ARSG: variants seen among roughly 807,000 people sequenced by gnomAD.
The protein encoded by ARSG is ASG.
In ARSG, 37 loss-of-function variants were observed where a neutral mutation model predicts 50.5. The observed-to-expected ratio is 0.73, with a 90% CI of 0.56 to 0.96. The LOEUF (loss-of-function observed/expected upper bound fraction) is 0.96, where lower values mean the gene tolerates loss of function less well. Ranked by LOEUF, ARSG falls within the 50% of genes least tolerant of loss-of-function variation. ARSG has a pLI of 0.00. For missense variants in ARSG, 629 were observed against 675.3 expected (o/e 0.93, Z 0.76); for synonymous variants, 225 against 254.6 (o/e 0.88, Z 1.11).
At chr17:68,292,253 G>A (rs1357813595) in intron 1 of ARSG, among the ~76,000 whole-genome samples, 1 of 152,170 alleles carries the variant, frequency 6.6e-6, no homozygotes, top group Non-Finnish European at 1.5e-5. Context: ...CCAGGCAGTG[G>A]CGGCGTCGGC....
intron 2 of ARSG, among the ~76,000 whole-genome samples, chr17:68,319,451 G>A (rs979762996): frequency 1.1e-4 from 17 of 152,168 alleles, no homozygotes; most frequent in Admixed American, 3.3e-4. Context: ...GGGACTTCAG[G>A]TTTTTACCTC....
intron 5 of ARSG, among the ~76,000 whole-genome samples, chr17:68,353,115 G>A (rs976316978): frequency 2.6e-5 from 4 of 151,946 alleles, no homozygotes; most frequent in South Asian, 2.1e-4. Flanking sequence ...TGTAATCCAC[G>A]TGACCACTGT....
In ARSG at chr17:68,307,611, A is replaced by G. The variant is rs1279629468; in HGVS notation, c.118A>G (p.Ile40Val). 6.2e-7 allele frequency: 1 copy of G among 1,613,622 alleles called. No homozygotes were observed. The highest frequency in any genetic ancestry group is 8.5e-7 in the Non-Finnish European group (1 of 1,179,680). The stretch of plus-strand genomic sequence containing the variant: ...AAGAGGACAGAAGCCAAACTTTGTG[A>G]TTATTTTGGCCGATGACATGGGGTG... ...KTRGQKPNFV[I>V]ILADDMGWGD... Residue 40 changes from isoleucine (I) to valine (V), a missense_variant, in exon 2 of 12, where the codon ATT becomes GTT. Physicochemically the swap from Ile to Val is conservative, Grantham distance 29. Transcript: ENST00000621439.
At chr17:68,337,584 G>A (rs954114282) in intron 2 of ARSG, among the ~76,000 whole-genome samples, 10 of 146,284 alleles carry the variant, frequency 6.8e-5, no homozygotes, top group African/African-American at 2.5e-4. Context: ...CTGGAGATTA[G>A]GAAGCTAAGC....
intron 2 of ARSG, among the ~76,000 whole-genome samples, chr17:68,339,833 C>T (rs908250703): frequency 6.6e-6 from 1 of 152,190 alleles, no homozygotes; most frequent in Non-Finnish European, 1.5e-5. Flanking sequence ...TGACACTAAA[C>T]TTAATCATTT....
At chr17:68,380,987 C>T (rs2146951466) in intron 8 of ARSG, among the ~76,000 whole-genome samples, 1 of 152,232 alleles carries the variant, frequency 6.6e-6, no homozygotes, top group Admixed American at 6.5e-5. Flanking sequence ...TCAGAATTAC[C>T]TAGAATCAGA....
Position 68,278,142 on chromosome 17 carries a change from T to C in ARSG, c.-552+18716T>C, listed in dbSNP as rs2075584722. ...TGAGATTATCCATGAGATCCTGCTA[T>C]TGGATTCATTAAAACTGTCCATTAA... is the stretch of plus-strand genomic sequence containing the variant. On this transcript the variant is annotated intron_variant, in intron 1 of 11. Coordinates refer to the ARSG transcript ENST00000448504. 5 of 1,614,174 alleles carry C rather than the reference T, an allele frequency of 3.1e-6. No individual in the cohort carries two copies. Among genetic ancestry groups the C allele is most frequent in the East Asian group, 2.2e-5 (1 of 44,890 alleles).
chr17:68,363,422 T>C (rs956899987), intron 6 of ARSG, among the ~76,000 whole-genome samples: 9 of 152,124 alleles, frequency 5.9e-5, no homozygotes, highest in African/African-American at 2.2e-4. Context: ...GGAGTTTGGA[T>C]TGACCCTGCA....
At chr17:68,432,426 A>G in the ARSG span, among the ~76,000 whole-genome samples, 1 of 152,186 alleles carries the variant, frequency 6.6e-6, no homozygotes, top group Non-Finnish European at 1.5e-5. Context: ...TCATGCTGAG[A>G]AGAAGACCCA....
At chr17:68,375,422 A>G (rs4090488) in intron 8 of ARSG, among the ~76,000 whole-genome samples, 78,391 of 152,104 alleles carry the variant, frequency 0.52, 21,709 homozygotes, top group African/African-American at 0.72. Flanking sequence ...AGAAGCACTC[A>G]GGATGGGTCC....
intron 1 of ARSG, among the ~76,000 whole-genome samples, chr17:68,280,252 A>G (rs563496138): frequency 5.3e-5 from 8 of 152,098 alleles, no homozygotes; most frequent in Non-Finnish European, 8.8e-5. Flanking sequence ...TCCTATCAAA[A>G]TACCAATGAC....
At chr17:68,307,897 C>G (rs574750970) in intron 2 of ARSG, among the ~76,000 whole-genome samples, 186 bp downstream of exon 2, 26 of 151,604 alleles carry the variant, frequency 1.7e-4, no homozygotes, top group Non-Finnish European at 2.5e-4. Flanking sequence ...TAGCACCCAT[C>G]CATCTATCTA....
rs1429500933 is a variant in ARSG at position 68,367,524 on chromosome 17, C to T, written c.705-1024C>T. 6.6e-6 allele frequency among the ~76,000 whole-genome samples: 1 copy of T among 152,130 alleles called. No homozygotes were observed. Among genetic ancestry groups the T allele is most frequent in the Non-Finnish European group, 1.5e-5 (1 of 68,028 alleles). The stretch of plus-strand genomic sequence containing the variant: ...TGGATGGATCTGTGGGAGAGGGGCC[C>T]CCTGAAGGTCCCTGCCACCGTTGTG... On this transcript the variant is annotated intron_variant, in intron 6 of 11. Transcript: ENST00000621439. The surrounding 1 kb of genome is among the most constrained non-coding windows in gnomAD (Gnocchi z 4.5).
At chr17:68,383,232 C>T (rs1046093169) in intron 8 of ARSG, among the ~76,000 whole-genome samples, 1 of 152,088 alleles carries the variant, frequency 6.6e-6, no homozygotes, top group Non-Finnish European at 1.5e-5. Context: ...TGGTGAAGAC[C>T]AATTAGCAAA....
intron 6 of ARSG, among the ~76,000 whole-genome samples, chr17:68,362,572 C>T (rs2079343214): frequency 6.6e-6 from 1 of 152,076 alleles, no homozygotes; most frequent in African/African-American, 2.4e-5. Context: ...TTCCATCTCT[C>T]CTACGGGCTG....
At position 68,327,840 on chromosome 17, in the gene ARSG, C is replaced by A. The variant is rs549327954; in HGVS notation, c.219-15764C>A. Among the ~76,000 whole-genome samples, 8 of 152,190 alleles carry A rather than the reference C, an allele frequency of 5.3e-5. No individual in the cohort carries two copies. The East Asian group carries it at 1.4e-3, about 26-fold the overall frequency. ...GACTTGGGGCTACAAAATGGCATGA[C>A]CAATCAGCGTGCTACCATGGGTTAG... is the stretch of plus-strand genomic sequence containing the variant. On this transcript the variant is annotated intron_variant, in intron 2 of 11. Coordinates refer to ENST00000621439, the MANE Select transcript of ARSG (RefSeq NM_001267727.2).
intron 1 of ARSG, among the ~76,000 whole-genome samples, chr17:68,259,721 CGT>C (rs1347690565): frequency 6.6e-6 from 1 of 152,130 alleles, no homozygotes; most frequent in Non-Finnish European, 1.5e-5. Context: ...TTCAAATTCC[CGT>C]GTGTTTGTTA....
intron 2 of ARSG, among the ~76,000 whole-genome samples, chr17:68,313,912 C>G (rs564076192): frequency 1.3e-5 from 2 of 152,202 alleles, no homozygotes; most frequent in African/African-American, 4.8e-5. Context: ...CTCCTGACCT[C>G]AAGTGATTCA....
At chr17:68,360,985 C>A (rs2079257247) in intron 6 of ARSG, among the ~76,000 whole-genome samples, 1 of 152,098 alleles carries the variant, frequency 6.6e-6, no homozygotes. Context: ...CCACCACACC[C>A]AGCTAATTTT....
Sources: gnomAD v4.1 joint callset for allele counts (sites outside exome capture counted in the v4.1 genomes callset) on GRCh38, gnomAD v4.1.1 for gene constraint, Gnocchi (gnomAD v3.1) non-coding constraint, MANE v1.5 for transcripts, NCBI Gene and HGNC (gene_info 2026-07-23, HGNC 2026-07-21) for gene names.